Variants in CDH1 observed in about 807,000 individuals in gnomAD.
The protein encoded by CDH1 is cadherin 1, also known as cadherin-1.
CDH1 carries 35 observed loss-of-function variants against 84.5 expected under a neutral mutation model. The ratio of observed to expected loss-of-function variants is 0.41; its 90% CI spans 0.32 to 0.55. CDH1 has a LOEUF of 0.55. Ranked by LOEUF, CDH1 falls within the 20% of genes least tolerant of loss-of-function variation. The probability of loss-of-function intolerance (pLI) is 0.19; values close to 1 mark genes in which losing one functional copy is unlikely to be tolerated. For missense variants in CDH1, 994 were observed against 1,126.6 expected (o/e 0.88, Z 1.68); for synonymous variants, 417 against 439.0 (o/e 0.95, Z 0.63).
chr16:68,832,067 T>C (rs568799241), intron 15 of CDH1, among the ~76,000 whole-genome samples: 1 of 152,198 alleles, frequency 6.6e-6, no homozygotes, highest in African/African-American at 2.4e-5. Flanking sequence ...CTCACTCATA[T>C]GTGGGAGCTG....
At chr16:68,831,069 CTTTTTTTTTTTT>C (rs1157074539) in intron 15 of CDH1, among the ~76,000 whole-genome samples, 85 of 80,292 alleles carry the variant, frequency 1.1e-3, no homozygotes, top group Middle Eastern at 0.016. Flanking sequence ...CTTTAGCTTT[CTTTTTTTTTTTT>C]TTTTTTTTTT....
At chr16:68,746,849 C>T (rs8056510) in intron 2 of CDH1, among the ~76,000 whole-genome samples, 9,620 of 151,884 alleles carry the variant, frequency 0.063, 730 homozygotes, top group African/African-American at 0.19. Context: ...CTTGGGAGGC[C>T]GAGGCAGGAG....
intron 2 of CDH1, among the ~76,000 whole-genome samples, chr16:68,778,746 ACTC>A (rs1158809540): frequency 1.3e-5 from 2 of 152,116 alleles, no homozygotes; most frequent in African/African-American, 2.4e-5. Flanking sequence ...ACTGGTCTGA[ACTC>A]CTGCCCTGTC....
intron 2 of CDH1, among the ~76,000 whole-genome samples, chr16:68,748,839 T>G (rs546519276): frequency 6.6e-6 from 1 of 152,186 alleles, no homozygotes; most frequent in African/African-American, 2.4e-5. Context: ...CAGTTTTTTT[T>G]GTTTTTGTTT....
At chr16:68,819,137 T>C in intron 10 of CDH1, 143 bp from the exon 11 acceptor site, 1 of 873,650 alleles carries the variant, frequency 1.1e-6, no homozygotes, top group Non-Finnish European at 1.8e-6. Flanking sequence ...ATTACAGGCA[T>C]GAGCCACCGC....
Position 68,783,745 on chromosome 16 carries a change from G to A in CDH1, c.164-17925G>A, listed in dbSNP as rs537936128. Among the ~76,000 whole-genome samples, 4 of 151,930 alleles carry A rather than the reference G, an allele frequency of 2.6e-5. No homozygotes were observed. In the East Asian group the frequency reaches 7.8e-4, roughly 30 times the overall value. Reference sequence around the variant, plus strand: ...AGGCTGGAGTGTAGTGGCATGATCTGGACTCACTGCAACCCTCACCTCCCG... The same window carrying A: ...AGGCTGGAGTGTAGTGGCATGATCTAGACTCACTGCAACCCTCACCTCCCG... On this transcript the variant is annotated intron_variant, in intron 2 of 15. Coordinates refer to ENST00000261769, the MANE Select transcript of CDH1 (RefSeq NM_004360.5).
intron 2 of CDH1, among the ~76,000 whole-genome samples, chr16:68,792,522 C>T (rs186431902): frequency 7.9e-5 from 12 of 152,308 alleles, no homozygotes; most frequent in African/African-American, 2.9e-4. Context: ...GTACGCCCTG[C>T]GACACTGACT....
intron 2 of CDH1, among the ~76,000 whole-genome samples, chr16:68,742,290 T>A (rs1962588954): frequency 6.6e-6 from 1 of 152,030 alleles, no homozygotes; most frequent in African/African-American, 2.4e-5. Context: ...CCCTCCTTTT[T>A]TTTTTTTGAG....
chr16:68,771,743 TC>T (rs773830344), intron 2 of CDH1, among the ~76,000 whole-genome samples: 13 of 127,850 alleles, frequency 1.0e-4, no homozygotes, highest in Non-Finnish European at 1.5e-4. Flanking sequence ...AGAGCAAGAC[TC>T]CCTCTCAAAA....
At chr16:68,786,081 C>T (rs1324406555) in intron 2 of CDH1, among the ~76,000 whole-genome samples, 1 of 152,186 alleles carries the variant, frequency 6.6e-6, no homozygotes, top group Non-Finnish European at 1.5e-5. Flanking sequence ...TGTGGCTGTT[C>T]TCCAGTGTAT....
intron 15 of CDH1, among the ~76,000 whole-genome samples, chr16:68,831,117 C>T (rs1226840095): frequency 9.8e-5 from 12 of 122,450 alleles, no homozygotes; most frequent in African/African-American, 3.7e-4. Flanking sequence ...CTTGCTCTGT[C>T]GCCCAGGCTG....
At chr16:68,777,483 T>G (rs1004468661) in intron 2 of CDH1, among the ~76,000 whole-genome samples, 2 of 151,622 alleles carry the variant, frequency 1.3e-5, no homozygotes, top group African/African-American at 4.8e-5. Context: ...CAAGACTGCC[T>G]TCAAAAGCAG....
At chr16:68,824,564 G>A (rs564877665) in intron 13 of CDH1, among the ~76,000 whole-genome samples, 18 of 152,318 alleles carry the variant, frequency 1.2e-4, no homozygotes, top group African/African-American at 3.1e-4. Context: ...GAACCTGGAA[G>A]CTTCTACTTA....
chr16:68,759,757 G>A (rs1963115456), intron 2 of CDH1, among the ~76,000 whole-genome samples: 1 of 152,092 alleles, frequency 6.6e-6, no homozygotes, highest in African/African-American at 2.4e-5. Flanking sequence ...AAAGTGCTAG[G>A]ATTATAGATT....
rs1205795332 is a variant in CDH1 at position 68,783,920 on chromosome 16, A to G, written c.164-17750A>G. On this transcript the variant is annotated intron_variant, in intron 2 of 15. Transcript: ENST00000261769. ...CTGAACTCCTGACCTCAAGCAATCT[A>G]CCCACCTCGGCCTCCCAAAGTGCTG... Among the ~76,000 whole-genome samples, 6 of 152,018 alleles carry G rather than the reference A, an allele frequency of 3.9e-5. No homozygotes were observed. In the East Asian group the frequency reaches 1.2e-3, roughly 29 times the overall value.
At chr16:68,758,255 G>T (rs554244095) in intron 2 of CDH1, among the ~76,000 whole-genome samples, 9 of 113,866 alleles carry the variant, frequency 7.9e-5, no homozygotes, top group Non-Finnish European at 1.5e-4. Flanking sequence ...GAGAGAGAGA[G>T]ACCCAAATGG....
intron 2 of CDH1, among the ~76,000 whole-genome samples, chr16:68,792,906 T>A (rs1960248347): frequency 6.6e-6 from 1 of 152,198 alleles, no homozygotes; most frequent in South Asian, 2.1e-4. Flanking sequence ...CAGCGTTCGT[T>A]GTTGACATCT....
chr16:68,823,655 T>A (rs2152139743), intron 13 of CDH1, 29 bp downstream of exon 13: 1 of 1,469,292 alleles, frequency 6.8e-7, no homozygotes, highest in Non-Finnish European at 9.5e-7. Flanking sequence ...TGACTCAGCC[T>A]TTGACTTAAA....
intron 2 of CDH1, among the ~76,000 whole-genome samples, chr16:68,798,659 T>C (rs1960423246): frequency 1.3e-5 from 2 of 152,184 alleles, no homozygotes; most frequent in Admixed American, 6.5e-5. Flanking sequence ...ATCATGCTTG[T>C]CTCAACTTTC....
Sources: allele counts gnomAD v4.1 joint callset (sites outside exome capture counted in the v4.1 genomes callset), GRCh38; gene constraint gnomAD v4.1.1; transcripts MANE v1.5; gene names NCBI Gene and HGNC (gene_info 2026-07-23, HGNC 2026-07-21).